The following FRRS1L variants were observed in gnomAD, a reference collection of about 807,000 sequenced individuals.
FRRS1L encodes the protein DOMON domain-containing protein FRRS1L.
A neutral mutation model predicts 28.6 loss-of-function variants in FRRS1L; 22 were observed. The observed-to-expected ratio is 0.77, with a 90% CI of 0.55 to 1.10. The LOEUF (loss-of-function observed/expected upper bound fraction) is 1.10, where lower values mean the gene tolerates loss of function less well. FRRS1L is among the 50% of genes least tolerant of loss of function. The probability of loss-of-function intolerance (pLI) is 0.00; values close to 1 mark genes in which losing one functional copy is unlikely to be tolerated. For synonymous variants in FRRS1L, 158 were observed against 151.4 expected, an observed-to-expected ratio of 1.04 and a Z score of -0.32; for missense variants, 380 against 386.9, an observed-to-expected ratio of 0.98 and a Z score of 0.15.
At chr9:109,159,228 TCCCC>T (rs768776803) in intron 1 of FRRS1L, among the ~76,000 whole-genome samples, 5 of 108,144 alleles carry the variant, frequency 4.6e-5, no homozygotes, top group Non-Finnish European at 7.8e-5. Flanking sequence ...TGTCTAAGGT[TCCCC>T]CTTTGTCATT....
At chr9:109,145,383 C>A (rs910657775) in intron 3 of FRRS1L, among the ~76,000 whole-genome samples, 1 of 152,166 alleles carries the variant, frequency 6.6e-6, no homozygotes, top group Non-Finnish European at 1.5e-5. Flanking sequence ...ATCCAACATG[C>A]CTTTTATAAT....
Position 109,132,356 on chromosome 9 carries a change from A to G in FRRS1L, c.*5099T>C, listed in dbSNP as rs1831068144. 6.6e-6 allele frequency: 1 copy of G among 152,216 alleles called. No individual in the cohort carries two copies. The highest frequency in any genetic ancestry group is 6.5e-5 in the Admixed American group (1 of 15,274). 9.4% of individuals were successfully genotyped at this position (152,216 alleles called of 1,614,324 possible). A position where few individuals can be genotyped will look rare whatever the true frequency, so the allele number is the denominator to read the frequency against. On this transcript the variant is annotated 3_prime_UTR_variant, in exon 5 of 5. Coordinates refer to ENST00000561981, the MANE Select transcript of FRRS1L (RefSeq NM_014334.4). ...CTTACCATGAAGAGCAGTTCAGCGC[A>G]ATGGTTGTCCATGATCACCACAGTT...
intron 3 of FRRS1L, 49 bp downstream of exon 3, chr9:109,147,002 C>A: frequency 6.4e-7 from 1 of 1,566,330 alleles, no homozygotes; most frequent in South Asian, 1.1e-5. Flanking sequence ...CAAAATAGCA[C>A]AGCCAACTAA....
At chr9:109,146,575 G>A (rs143554714) in intron 3 of FRRS1L, among the ~76,000 whole-genome samples, 1,986 of 152,148 alleles carry the variant, frequency 0.013, 21 homozygotes, top group Non-Finnish European at 0.021. Context: ...GAGTAGAGAC[G>A]GAAAAAAGTT....
chr9:109,148,654 G>A (rs1023495349), intron 2 of FRRS1L: 1 of 152,216 alleles, frequency 6.6e-6, no homozygotes, highest in Non-Finnish European at 1.5e-5. Context: ...GAGCAGTCAG[G>A]AAGAGATATA....
intron 1 of FRRS1L, among the ~76,000 whole-genome samples, chr9:109,164,140 G>A (rs959069827): frequency 8.5e-5 from 13 of 152,176 alleles, no homozygotes; most frequent in Non-Finnish European, 1.8e-4. Context: ...CAGGGATGAA[G>A]CCTAGGCCCA....
Position 109,146,493 on chromosome 9 carries a change from G to T in FRRS1L, c.462+558C>A, listed in dbSNP as rs916755623. Among the ~76,000 whole-genome samples, 28 of 152,194 alleles carry T rather than the reference G, an allele frequency of 1.8e-4. 1 individual carries two copies. Among genetic ancestry groups the T allele is most frequent in the Admixed American group, 1.6e-3 (24 of 15,280 alleles). ...AGAGGACACCTAGCTGTCCACTGGA[G>T]AAATGCTTGGGGTGTGGGGGAACAC... On this transcript the variant is annotated intron_variant, in intron 3 of 4. Transcript: ENST00000561981.
At chr9:109,155,972 G>GA (rs1182564041) in intron 1 of FRRS1L, among the ~76,000 whole-genome samples, 3 of 151,814 alleles carry the variant, frequency 2.0e-5, no homozygotes, top group South Asian at 2.1e-4. Context: ...AACTGTTGCA[G>GA]AAAAAAAATG....
intron 1 of FRRS1L, among the ~76,000 whole-genome samples, chr9:109,154,566 G>T (rs1831379780): frequency 1.3e-5 from 2 of 152,094 alleles, no homozygotes; most frequent in African/African-American, 4.8e-5. Context: ...TATTTTAATT[G>T]TACAATTCTA....
intron 1 of FRRS1L, among the ~76,000 whole-genome samples, chr9:109,164,396 ATTTT>A (rs61154383): frequency 7.4e-6 from 1 of 134,740 alleles, no homozygotes. Context: ...GAGCAGGTTG[ATTTT>A]TTTTTTTTTT....
At chr9:109,144,549 G>C (rs1432703182) in intron 3 of FRRS1L, among the ~76,000 whole-genome samples, 1 of 151,870 alleles carries the variant, frequency 6.6e-6, no homozygotes, top group Non-Finnish European at 1.5e-5. Flanking sequence ...GTTTTTAGTA[G>C]AGACAGGGTT....
At chr9:109,149,501 A>C in intron 2 of FRRS1L, 135 bp downstream of exon 2, 1 of 608,112 alleles carries the variant, frequency 1.6e-6, no homozygotes, top group Non-Finnish European at 2.9e-6. Flanking sequence ...GGCCGTTACG[A>C]AACTTCATAA....
At chr9:109,142,666 T>C (rs1831202097) in intron 3 of FRRS1L, among the ~76,000 whole-genome samples, 1 of 152,090 alleles carries the variant, frequency 6.6e-6, no homozygotes, top group Admixed American at 6.6e-5. Flanking sequence ...ATTAAAAAAT[T>C]AGCTGGGCAT....
chr9:109,166,198 C>T (rs1831546248), intron 1 of FRRS1L, among the ~76,000 whole-genome samples: 1 of 152,134 alleles, frequency 6.6e-6, no homozygotes, highest in African/African-American at 2.4e-5. Context: ...TCCTTCTGAC[C>T]ACCATCCGCT....
intron 2 of FRRS1L, among the ~76,000 whole-genome samples, chr9:109,149,260 C>T (rs1227157120): frequency 1.3e-5 from 2 of 152,152 alleles, no homozygotes; most frequent in Non-Finnish European, 2.9e-5. Flanking sequence ...GGACTATTTA[C>T]TAAAAAAGGA....
intron 3 of FRRS1L, among the ~76,000 whole-genome samples, chr9:109,143,056 C>T (rs752423282): frequency 7.2e-5 from 11 of 152,002 alleles, no homozygotes; most frequent in Non-Finnish European, 1.3e-4. Context: ...TGATGGCTCA[C>T]GCCTATAATC....
At chr9:109,159,992 T>A (rs1033197814) in intron 1 of FRRS1L, among the ~76,000 whole-genome samples, 1 of 152,336 alleles carries the variant, frequency 6.6e-6, no homozygotes, top group East Asian at 1.9e-4. Flanking sequence ...TATACACTTA[T>A]CTGTCTTATT....
chr9:109,164,202 C>T (rs1831515143), intron 1 of FRRS1L, among the ~76,000 whole-genome samples: 1 of 152,074 alleles, frequency 6.6e-6, no homozygotes, highest in Admixed American at 6.6e-5. Context: ...ACTTACATCT[C>T]AACTAGCACC....
At chr9:109,159,654 T>C (rs767920547) in intron 1 of FRRS1L, among the ~76,000 whole-genome samples, 14 of 152,198 alleles carry the variant, frequency 9.2e-5, no homozygotes, top group Non-Finnish European at 1.6e-4. Flanking sequence ...CGAGACTCTG[T>C]CTCAACAACA....
Sources: allele counts gnomAD v4.1 joint callset (sites outside exome capture counted in the v4.1 genomes callset), GRCh38; gene constraint gnomAD v4.1.1; transcripts MANE v1.5; gene names NCBI Gene and HGNC (gene_info 2026-07-23, HGNC 2026-07-21).